The following KALRN variants were observed in gnomAD, a reference collection of about 807,000 sequenced individuals.
KALRN encodes kalirin RhoGEF kinase, also known as kalirin.
In KALRN, 70 loss-of-function variants were observed where a neutral mutation model predicts 353.7. That is an observed-to-expected ratio of 0.20 (90% CI 0.16 to 0.24). The LOEUF is 0.24. KALRN is among the 10% of genes least tolerant of loss of function. The pLI is 1.00. For synonymous variants in KALRN, 1,391 were observed against 1,434.8 expected (o/e 0.97, Z 0.69); for missense variants, 2,791 against 3,756.7 (o/e 0.74, Z 6.72).
At chr3:124,505,028 G>A (rs1215594885) in intron 33 of KALRN, 1 of 471,370 alleles carries the variant, frequency 2.1e-6, no homozygotes, top group South Asian at 1.6e-5. Flanking sequence ...GGAGGGGAGA[G>A]CAAAGCTTGG....
At chr3:124,175,007 C>A (rs1318089898) in intron 1 of KALRN, among the ~76,000 whole-genome samples, 3 of 152,218 alleles carry the variant, frequency 2.0e-5, no homozygotes, top group Admixed American at 6.5e-5. Context: ...GGGCAGCTGG[C>A]AGGACCAGTG....
chr3:124,408,199 A>G (rs1218716358), intron 13 of KALRN, among the ~76,000 whole-genome samples: 2 of 148,708 alleles, frequency 1.3e-5, no homozygotes, highest in Non-Finnish European at 3.0e-5. Flanking sequence ...TAAAAAAAAT[A>G]TGATTAATTT....
intron 10 of KALRN, among the ~76,000 whole-genome samples, chr3:124,373,624 G>C (rs939383782): frequency 5.9e-5 from 9 of 152,208 alleles, no homozygotes; most frequent in African/African-American, 1.9e-4. Flanking sequence ...TGGCTTTGCT[G>C]TTTCCTGGCA....
chr3:124,120,305 C>T (rs139366927), intron 1 of KALRN, among the ~76,000 whole-genome samples: 2 of 152,246 alleles, frequency 1.3e-5, no homozygotes, highest in African/African-American at 4.8e-5. Flanking sequence ...TCTTGCTGTC[C>T]AAAGTCAGCC....
chr3:124,717,062 T>C (rs1009612742), intron 58 of KALRN, among the ~76,000 whole-genome samples, 185 bp from the exon 59 acceptor site: 10 of 152,238 alleles, frequency 6.6e-5, no homozygotes, highest in African/African-American at 2.4e-4. Flanking sequence ...TAAATATATT[T>C]ATTTTAGTTC....
At chr3:124,093,712 T>A (rs144895278) in intron 1 of KALRN, among the ~76,000 whole-genome samples, 15 of 152,132 alleles carry the variant, frequency 9.9e-5, no homozygotes, top group Admixed American at 3.3e-4. Flanking sequence ...GACACAAAGA[T>A]GGAGTTTATG....
intron 10 of KALRN, among the ~76,000 whole-genome samples, chr3:124,364,713 C>T (rs991176569): frequency 3.3e-5 from 5 of 152,188 alleles, no homozygotes; most frequent in Non-Finnish European, 7.3e-5. Context: ...TTCCTCTTGT[C>T]TTTCTCTCCT....
intron 1 of KALRN, among the ~76,000 whole-genome samples, chr3:124,065,635 A>T (rs1177315992): frequency 1.5e-3 from 6 of 4,082 alleles, no homozygotes; most frequent in East Asian, 0.5. Flanking sequence ...CCTTAGTTAA[A>T]AAAAAAAAAA....
intron 1 of KALRN, chr3:124,082,291 A>T (rs766161123): frequency 2.1e-6 from 1 of 471,092 alleles, no homozygotes; most frequent in Non-Finnish European, 4.4e-6. Flanking sequence ...AGTATCTTTG[A>T]TGTAATCTCC....
At position 124,441,955 on chromosome 3, in the gene KALRN, T is replaced by G; in HGVS notation, c.3209T>G (p.Leu1070Arg). ...CTTTGTCTTTCGCAGGCCTGCACCC[T>G]GGCTCGGCGGAATGCTGAGGTGTTT... is the stretch of plus-strand genomic sequence containing the variant. ...QKEAFLKACT[L>R]ARRNAEVFLK... Residue 1070 changes from leucine (L) to arginine (R), a missense_variant, in exon 19 of 60, where the codon CTG becomes CGG. This residue lies in a region of KALRN where 268 missense variants were observed against 347.0 expected (regional missense o/e 0.77). Coordinates refer to ENST00000682506, the MANE Select transcript of KALRN (RefSeq NM_001388419.1). 6.3e-7 allele frequency: 1 copy of G among 1,588,944 alleles called. No homozygotes were observed. Among genetic ancestry groups the G allele is most frequent in the Non-Finnish European group, 8.6e-7 (1 of 1,162,452 alleles).
intron 1 of KALRN, among the ~76,000 whole-genome samples, chr3:124,110,469 GCACACACACA>G (rs1553768422): frequency 1.5e-5 from 2 of 133,984 alleles, no homozygotes; most frequent in East Asian, 4.0e-4. Context: ...ACACACGCGC[GCACACACACA>G]CACACACACA....
intron 33 of KALRN, among the ~76,000 whole-genome samples, chr3:124,499,184 A>G (rs895199190): frequency 6.6e-6 from 1 of 152,092 alleles, no homozygotes; most frequent in Non-Finnish European, 1.5e-5. Context: ...AAGAGCCATG[A>G]CACACCAACT....
At chr3:124,397,419 T>C (rs1006771974) in intron 12 of KALRN, among the ~76,000 whole-genome samples, 1 of 152,166 alleles carries the variant, frequency 6.6e-6, no homozygotes, top group African/African-American at 2.4e-5. Context: ...ATACCATTGC[T>C]TCTGAGACAA....
intron 41 of KALRN, among the ~76,000 whole-genome samples, chr3:124,658,077 C>G (rs2084314078): frequency 1.3e-5 from 2 of 152,122 alleles, no homozygotes; most frequent in African/African-American, 4.8e-5. Flanking sequence ...ATCGCTTGAG[C>G]CTGGGAGGTC....
chr3:124,125,974 G>T (rs919615139), intron 1 of KALRN, among the ~76,000 whole-genome samples: 1 of 152,110 alleles, frequency 6.6e-6, no homozygotes, highest in South Asian at 2.1e-4. Context: ...GGAAAAGGAG[G>T]TGACTCTACC....
At chr3:124,181,074 T>TAAAAAAA (rs2073507400) in intron 1 of KALRN, among the ~76,000 whole-genome samples, 1 of 24,546 alleles carries the variant, frequency 4.1e-5, no homozygotes, top group Non-Finnish European at 8.5e-5. Context: ...CTACTAAAAA[T>TAAAAAAA]ACAAAAAAAA....
intron 34 of KALRN, among the ~76,000 whole-genome samples, chr3:124,610,240 A>G (rs897225872): frequency 5.9e-5 from 9 of 152,238 alleles, no homozygotes; most frequent in Non-Finnish European, 2.9e-5. Flanking sequence ...TAGAAATTTG[A>G]AATTCAGTCA....
chr3:124,682,612 G>A (rs2061392455), intron 51 of KALRN, among the ~76,000 whole-genome samples: 1 of 152,168 alleles, frequency 6.6e-6, no homozygotes. Context: ...TGGACCAAAT[G>A]GTTCCTTTAA....
chr3:124,664,548 T>C (rs541289914), intron 45 of KALRN, among the ~76,000 whole-genome samples: 1 of 151,890 alleles, frequency 6.6e-6, no homozygotes, highest in African/African-American at 2.4e-5. Context: ...GTAGCTGGGA[T>C]TACAGGCAGG....
Sources: gnomAD v4.1 joint callset for allele counts (sites outside exome capture counted in the v4.1 genomes callset) on GRCh38, gnomAD v4.1.1 for gene constraint, gnomAD v4.1.1 regional missense constraint, MANE v1.5 for transcripts, NCBI Gene and HGNC (gene_info 2026-07-23, HGNC 2026-07-21) for gene names.